The following HCK variants were observed in gnomAD, a reference collection of about 807,000 sequenced individuals.
The protein encoded by HCK is HCK proto-oncogene, Src family tyrosine kinase, also known as tyrosine-protein kinase HCK.
HCK carries 40 observed loss-of-function variants against 70.4 expected under a neutral mutation model. The observed-to-expected ratio is 0.57, with a 90% confidence interval of 0.44 to 0.74. The LOEUF is 0.74. Among genes scored for constraint, HCK ranks in the 30% least tolerant of loss-of-function variants. The pLI is 0.00. For synonymous variants in HCK, 245 were observed against 263.2 expected (o/e 0.93, Z 0.67); for missense variants, 568 against 697.2 (o/e 0.81, Z 2.09).
In HCK at chr20:32,052,437, T is replaced by C. The variant is rs957448914; in HGVS notation, c.13T>C (p.Ser5Pro). 27 of 1,280,934 alleles carry C rather than the reference T, an allele frequency of 2.1e-5. No individual in the cohort carries two copies. The Middle Eastern group carries it at 6.9e-4, about 33-fold the overall frequency. 79.3% of individuals were successfully genotyped at this position (1,280,934 alleles called of 1,614,324 possible). The change falls in exon 1 of 13, where the codon TCA (serine) becomes CCA (proline). Residue 5 changes from serine (S) to proline (P), a missense_variant. Around this residue, in one of 4 missense-constraint regions of HCK, gnomAD observed 318 missense variants for 336.0 expected, o/e 0.95. Transcript: ENST00000375852. ...AGGGGCTGCCGAGCTGGGGGGGCGC[T>C]CAAGCTGCGAGGATCCGGGCTGCCC...
At chr20:32,067,531 CTTTT>C (rs11482239) in intron 1 of HCK, among the ~76,000 whole-genome samples, 3 of 110,332 alleles carry the variant, frequency 2.7e-5, no homozygotes, top group African/African-American at 7.2e-5. Context: ...GATGCTTTTA[CTTTT>C]TTTTTTTTTT....
At chr20:32,069,825 T>C (rs2122517588) in intron 1 of HCK, 3 of 1,136,928 alleles carry the variant, frequency 2.6e-6, no homozygotes, top group Non-Finnish European at 2.3e-6. Flanking sequence ...AGTTTGGGGT[T>C]TTTTTCCTTA....
intron 3 of HCK, 112 bp from the exon 4 acceptor site, chr20:32,073,604 T>C: frequency 1.4e-6 from 1 of 721,056 alleles, no homozygotes; most frequent in South Asian, 1.7e-5. Context: ...CTACTTATAC[T>C]TGGAACCACA....
At chr20:32,058,804 T>G (rs1221484263) in intron 1 of HCK, among the ~76,000 whole-genome samples, 1 of 152,076 alleles carries the variant, frequency 6.6e-6, no homozygotes, top group Non-Finnish European at 1.5e-5. Context: ...ATTAAAGGTG[T>G]CTTCTAAGCC....
At chr20:32,080,650 T>C (rs1218123522) in intron 6 of HCK, among the ~76,000 whole-genome samples, 1 of 152,186 alleles carries the variant, frequency 6.6e-6, no homozygotes, top group Non-Finnish European at 1.5e-5. Flanking sequence ...CGTGCCACCA[T>C]GCTGACTAAT....
chr20:32,096,453 T>TG (rs2045956540), intron 11 of HCK, among the ~76,000 whole-genome samples: 1 of 146,340 alleles, frequency 6.8e-6, no homozygotes, highest in East Asian at 2.0e-4. Flanking sequence ...TGAGCCGAGA[T>TG]TGTGCCATTG....
Position 32,052,980 on chromosome 20 carries a change from G to GTCGGCTC in HCK, c.62+497_62+503dup, listed in dbSNP as rs1228278957. 7.2e-5 allele frequency among the ~76,000 whole-genome samples: 11 copies of GTCGGCTC among 152,160 alleles called. No homozygotes were observed. In the South Asian group the frequency reaches 2.1e-3, roughly 29 times the overall value. On this transcript the variant is annotated intron_variant, in intron 1 of 12. Coordinates refer to ENST00000375852, the MANE Select transcript of HCK (RefSeq NM_002110.5). ...GCCACACCCAGGCCGGCTGCAGCTG[G>GTCGGCTC]TCGGCTCTCTGCCCCTCCTCCCACA...
At chr20:32,099,783 G>C (rs1429675044) in intron 12 of HCK, among the ~76,000 whole-genome samples, 2 of 152,124 alleles carry the variant, frequency 1.3e-5, no homozygotes, top group Admixed American at 6.6e-5. Flanking sequence ...TCCCATAGAT[G>C]GTGCAGCGGC....
At position 32,084,054 on chromosome 20, in the gene HCK, C is replaced by A. The variant is rs751666211; in HGVS notation, c.682+11C>A. On this transcript the variant is annotated intron_variant, in intron 7 of 12. Transcript: ENST00000375852. ...TGGACCACTACAAGAGTGAGTCCCA[C>A]CCCAGGGGTGACATCCCCACCACGA... 3 of 1,611,320 alleles carry A rather than the reference C, an allele frequency of 1.9e-6. No individual in the cohort carries two copies. Among genetic ancestry groups the A allele is most frequent in the Non-Finnish European group, 2.5e-6 (3 of 1,178,962 alleles).
chr20:32,077,258 A>G (rs2045640399), intron 5 of HCK, among the ~76,000 whole-genome samples: 1 of 152,154 alleles, frequency 6.6e-6, no homozygotes, highest in Non-Finnish European at 1.5e-5. Context: ...CTCCCTTGAA[A>G]TAGGCAATAC....
intron 9 of HCK, among the ~76,000 whole-genome samples, chr20:32,088,190 G>A (rs1251461824): frequency 6.6e-6 from 1 of 152,172 alleles, no homozygotes; most frequent in Non-Finnish European, 1.5e-5. Context: ...ACAGGAGTGA[G>A]CCTCGTGCCT....
chr20:32,077,200 C>G (rs1490567959), intron 5 of HCK, among the ~76,000 whole-genome samples: 1 of 152,196 alleles, frequency 6.6e-6, no homozygotes, highest in Non-Finnish European at 1.5e-5. Context: ...GGGAGCACAA[C>G]TGGGACCTTG....
intron 1 of HCK, among the ~76,000 whole-genome samples, chr20:32,068,609 T>C (rs2045494402): frequency 6.6e-6 from 1 of 152,064 alleles, no homozygotes. Context: ...ATTTGACTCC[T>C]GCCAGTGTAT....
chr20:32,071,546 C>A, intron 1 of HCK, 116 bp from the exon 2 acceptor site: 3 of 1,325,926 alleles, frequency 2.3e-6, no homozygotes, highest in South Asian at 2.7e-5. Flanking sequence ...GAGTTAAGAC[C>A]GGGAAGGCCA....
Position 32,052,754 on chromosome 20 carries a change from T to C in HCK, c.62+268T>C, listed in dbSNP as rs1230325190. On this transcript the variant is annotated intron_variant, in intron 1 of 12. Coordinates refer to ENST00000375852, the MANE Select transcript of HCK (RefSeq NM_002110.5). ...CCCGTGCAGTGACTTTATCCACCAC[T>C]TCTCTGGGCCGTCCAGGTTCCCCTT... 2.1e-5 allele frequency among the ~76,000 whole-genome samples: 3 copies of C among 145,914 alleles called. No homozygotes were observed. The East Asian group carries it at 5.9e-4, about 29-fold the overall frequency.
At chr20:32,070,971 CAGGA>C (rs992398820) in intron 1 of HCK, among the ~76,000 whole-genome samples, 2 of 90,570 alleles carry the variant, frequency 2.2e-5, no homozygotes, top group Non-Finnish European at 3.9e-5. Context: ...GGAGGGGGAG[CAGGA>C]AGGAAGGGAG....
At position 32,073,696 on chromosome 20, in the gene HCK, C is replaced by T. The variant is rs1261986619; in HGVS notation, c.227-20C>T. The T allele has an allele frequency of 6.5e-7, 1 of 1,527,906 alleles. No individual in the cohort carries two copies. The highest frequency in any genetic ancestry group is 1.9e-5 in the Admixed American group (1 of 51,292). 94.6% of individuals were successfully genotyped at this position (1,527,906 alleles called of 1,614,324 possible). A position where few individuals can be genotyped will look rare whatever the true frequency, so the allele number is the denominator to read the frequency against. On this transcript the variant is annotated intron_variant, in intron 3 of 12. Coordinates refer to ENST00000375852, the MANE Select transcript of HCK (RefSeq NM_002110.5). ...ATGCACTTAGACGAAACCTCACCCT[C>T]TGTGTGTCTCCCTTCCCAGCAGGCT...
In HCK at chr20:32,074,692, C is replaced by T. The variant is rs774387667; in HGVS notation, c.399C>T (p.Val133=). Residue 133 remains valine (V), a synonymous_variant, in exon 5 of 13, where the codon GTC becomes GTT. Coordinates refer to ENST00000375852, the MANE Select transcript of HCK (RefSeq NM_002110.5). ...AGGGCTACATCCCAAGCAACTATGT[C>T]GCCCGCGTTGACTCTCTGGAGACAG... 42 of 1,613,708 alleles carry T rather than the reference C, an allele frequency of 2.6e-5. No individual in the cohort carries two copies. Among genetic ancestry groups the T allele is most frequent in the African/African-American group, 6.7e-5 (5 of 74,920 alleles).
chr20:32,093,845 T>C lies in HCK; in HGVS notation c.1093-18T>C. The C allele has an allele frequency of 6.2e-7, 1 of 1,604,720 alleles. No homozygotes were observed. The highest frequency in any genetic ancestry group is 2.2e-5 in the East Asian group (1 of 44,724). ...TAGGCCAGGTCTGAGGACAAAGGTG[T>C]CTCTGTTTGGGGTGCAGATTGCAGA... On this transcript the variant is annotated intron_variant, in intron 10 of 12. Coordinates refer to ENST00000375852, the MANE Select transcript of HCK (RefSeq NM_002110.5).
Sources: allele counts gnomAD v4.1 joint callset (sites outside exome capture counted in the v4.1 genomes callset), GRCh38; gene constraint gnomAD v4.1.1; regional missense constraint gnomAD v4.1.1; transcripts MANE v1.5; gene names NCBI Gene and HGNC (gene_info 2026-07-23, HGNC 2026-07-21).